TDRD3: variants seen among roughly 807,000 people sequenced by gnomAD.
TDRD3 encodes tudor domain-containing protein 3.
In TDRD3, 45 loss-of-function variants were observed where a neutral mutation model predicts 86.7. The ratio of observed to expected loss-of-function variants is 0.52; its 90% CI spans 0.41 to 0.67. The LOEUF (loss-of-function observed/expected upper bound fraction) is 0.67, where lower values mean the gene tolerates loss of function less well. TDRD3 is among the 30% of genes least tolerant of loss of function. The pLI is 0.00. For missense variants in TDRD3, 814 were observed against 889.0 expected, an observed-to-expected ratio of 0.92 and a Z score of 1.07; for synonymous variants, 298 against 301.7, an observed-to-expected ratio of 0.99 and a Z score of 0.13.
intron 13 of TDRD3, among the ~76,000 whole-genome samples, chr13:60,572,100 G>A (rs2138018431): frequency 6.6e-6 from 1 of 152,272 alleles, no homozygotes; most frequent in South Asian, 2.1e-4. Flanking sequence ...TGGAGTCCTA[G>A]GAACTAGATA....
At chr13:60,486,029 A>T (rs1414743384) in intron 7 of TDRD3, 81 bp downstream of exon 7, 1 of 1,377,966 alleles carries the variant, frequency 7.3e-7, no homozygotes, top group South Asian at 1.7e-5. Flanking sequence ...TTGTCTTTTC[A>T]TATAAGCTAA....
chr13:60,493,831 A>C (rs978458704), intron 7 of TDRD3, among the ~76,000 whole-genome samples: 18 of 152,242 alleles, frequency 1.2e-4, no homozygotes, highest in Non-Finnish European at 2.4e-4. Flanking sequence ...GATAAAATCA[A>C]ATTTTCAAAT....
chr13:60,470,352 C>CT (rs1325331462), intron 5 of TDRD3, among the ~76,000 whole-genome samples: 2 of 152,140 alleles, frequency 1.3e-5, no homozygotes, highest in Non-Finnish European at 2.9e-5. Flanking sequence ...ACAAATACCT[C>CT]TTTGAGACCC....
intron 1 of TDRD3, among the ~76,000 whole-genome samples, chr13:60,426,706 G>A (rs938047740): frequency 5.9e-5 from 9 of 151,994 alleles, no homozygotes; most frequent in African/African-American, 2.2e-4. Flanking sequence ...ATTAAGGAGA[G>A]ATTACTCCAT....
chr13:60,436,108 GTT>G (rs199775571), intron 1 of TDRD3, among the ~76,000 whole-genome samples: 4 of 137,774 alleles, frequency 2.9e-5, no homozygotes, highest in East Asian at 2.1e-4. Flanking sequence ...TGGATGGGTT[GTT>G]TTTTTTTTTT....
intron 1 of TDRD3, among the ~76,000 whole-genome samples, chr13:60,421,729 T>A (rs1399148752): frequency 6.6e-6 from 1 of 151,998 alleles, no homozygotes; most frequent in African/African-American, 2.4e-5. Context: ...AAAGAAAAAG[T>A]TAAAAGCCAG....
At chr13:60,433,324 G>A (rs1312053330) in intron 1 of TDRD3, among the ~76,000 whole-genome samples, 1 of 152,122 alleles carries the variant, frequency 6.6e-6, no homozygotes, top group Non-Finnish European at 1.5e-5. Flanking sequence ...AGTCCTCAAA[G>A]TCTGAAGTAA....
chr13:60,564,687 G>A (rs1343851359), intron 12 of TDRD3, among the ~76,000 whole-genome samples: 1 of 152,110 alleles, frequency 6.6e-6, no homozygotes, highest in Admixed American at 6.5e-5. Flanking sequence ...TGTAGTGTCA[G>A]ATTTTTTAAA....
chr13:60,493,177 C>CA (rs545656857), intron 7 of TDRD3, among the ~76,000 whole-genome samples: 1 of 151,802 alleles, frequency 6.6e-6, no homozygotes, highest in African/African-American at 2.4e-5. Context: ...CTCGGCCTCC[C>CA]AAAGTGCTAG....
intron 8 of TDRD3, among the ~76,000 whole-genome samples, chr13:60,503,932 AT>A (rs1314322844): frequency 1.3e-5 from 2 of 152,198 alleles, no homozygotes; most frequent in Non-Finnish European, 2.9e-5. Context: ...CATAAATGAA[AT>A]CTTTACAAAC....
intron 13 of TDRD3, 142 bp downstream of exon 13, chr13:60,567,792 C>G: frequency 9.2e-7 from 1 of 1,087,428 alleles, no homozygotes; most frequent in Non-Finnish European, 1.3e-6. Context: ...GGCGTGATCT[C>G]GGCTCACTGT....
intron 12 of TDRD3, among the ~76,000 whole-genome samples, chr13:60,557,542 G>A (rs1958223623): frequency 1.1e-4 from 17 of 152,108 alleles, no homozygotes; most frequent in Admixed American, 1.1e-3. Context: ...TGAATAGGGA[G>A]TTAAATGTGA....
At chr13:60,474,168 T>C (rs953807663) in intron 5 of TDRD3, among the ~76,000 whole-genome samples, 1 of 152,154 alleles carries the variant, frequency 6.6e-6, no homozygotes. Context: ...GAAGAAATAA[T>C]GGCGTAAGCT....
At chr13:60,434,563 G>A (rs1014806157) in intron 1 of TDRD3, among the ~76,000 whole-genome samples, 7 of 151,876 alleles carry the variant, frequency 4.6e-5, no homozygotes, top group Non-Finnish European at 8.8e-5. Context: ...TGTCTGTTCT[G>A]TGAGTATAAT....
chr13:60,554,792 G>C (rs1046080952), intron 12 of TDRD3, among the ~76,000 whole-genome samples: 1 of 152,088 alleles, frequency 6.6e-6, no homozygotes, highest in Non-Finnish European at 1.5e-5. Flanking sequence ...CATTTATTAT[G>C]TTCTTCCTTT....
chr13:60,521,162 G>A (rs910059305), intron 10 of TDRD3, among the ~76,000 whole-genome samples: 8 of 152,146 alleles, frequency 5.3e-5, no homozygotes, highest in Non-Finnish European at 1.2e-4. Context: ...CTACCCTAAT[G>A]TGCTTTGCTG....
intron 12 of TDRD3, among the ~76,000 whole-genome samples, chr13:60,541,714 G>GTTTTTTTTT (rs1259380702): frequency 4.7e-5 from 2 of 43,002 alleles, no homozygotes; most frequent in Non-Finnish European, 1.0e-4. Flanking sequence ...CTTCAGCATA[G>GTTTTTTTTT]TCTTTTTTTT....
intron 8 of TDRD3, among the ~76,000 whole-genome samples, chr13:60,499,646 G>A (rs1338897492): frequency 6.6e-6 from 1 of 152,226 alleles, no homozygotes; most frequent in Non-Finnish European, 1.5e-5. Flanking sequence ...TGAGATATTT[G>A]CATGCCAGAG....
intron 7 of TDRD3, 29 bp from the exon 8 acceptor site, chr13:60,494,406 C>A (rs1395056603): frequency 6.3e-7 from 1 of 1,590,150 alleles, no homozygotes; most frequent in African/African-American, 1.3e-5. Flanking sequence ...TGTCTACATA[C>A]CTCTCTTTTA....
Sources: gnomAD v4.1 joint callset for allele counts (sites outside exome capture counted in the v4.1 genomes callset) on GRCh38, gnomAD v4.1.1 for gene constraint, MANE v1.5 for transcripts, NCBI Gene and HGNC (gene_info 2026-07-23, HGNC 2026-07-21) for gene names.